The following GTSF1 variants were observed in gnomAD, a reference collection of about 807,000 sequenced individuals.
GTSF1 encodes the protein gametocyte specific factor 1.
A neutral mutation model predicts 28.9 loss-of-function variants in GTSF1; 11 were observed. The observed-to-expected ratio is 0.38, with a 90% CI of 0.24 to 0.63. GTSF1 has a LOEUF of 0.63. GTSF1 is among the 30% of genes least tolerant of loss of function. The probability of loss-of-function intolerance (pLI) is 0.56; values close to 1 mark genes in which losing one functional copy is unlikely to be tolerated. For missense variants in GTSF1, 146 were observed against 201.0 expected, an observed-to-expected ratio of 0.73 and a Z score of 1.66; for synonymous variants, 69 against 65.6, an observed-to-expected ratio of 1.05 and a Z score of -0.25.
intron 6 of GTSF1, 150 bp from the exon 7 acceptor site, chr12:54,460,621 G>A (rs1288735772): frequency 2.1e-5 from 13 of 618,096 alleles, no homozygotes; most frequent in South Asian, 5.8e-5. Flanking sequence ...AAAACGTTCC[G>A]GCAATTAGAA....
chr12:54,460,539 C>A, intron 6 of GTSF1, 68 bp from the exon 7 acceptor site: 1 of 1,036,318 alleles, frequency 9.6e-7, no homozygotes, highest in Non-Finnish European at 1.5e-6. Flanking sequence ...GTAAGATAAT[C>A]AAAATGTGTT....
intron 7 of GTSF1, chr12:54,459,696 A>C: frequency 5.3e-6 from 1 of 189,172 alleles, no homozygotes; most frequent in Non-Finnish European, 1.1e-5. Flanking sequence ...CCAATTTCTG[A>C]TCCCAATTCC....
chr12:54,459,414 C>T, intron 7 of GTSF1: 1 of 1,365,460 alleles, frequency 7.3e-7, no homozygotes, highest in Non-Finnish European at 9.6e-7. Context: ...TAAAAATTAG[C>T]TCAAACAGTA....
intron 3 of GTSF1, among the ~76,000 whole-genome samples, chr12:54,463,717 C>CA (rs1319859107): frequency 6.6e-6 from 1 of 152,176 alleles, no homozygotes; most frequent in African/African-American, 2.4e-5. Flanking sequence ...TCTTAGTCTG[C>CA]ATTGCAGTAG....
intron 7 of GTSF1, among the ~76,000 whole-genome samples, chr12:54,459,962 G>A (rs918414906): frequency 7.4e-5 from 9 of 122,080 alleles, no homozygotes; most frequent in Non-Finnish European, 1.1e-4. Flanking sequence ...TCCTGACCTC[G>A]TGATCCGCCC....
At position 54,473,571 on chromosome 12, in the gene GTSF1, A is replaced by T. The variant is rs1956614528; in HGVS notation, c.-55T>A. ...CTCGGTGGACACACACCTTCCTCAC[A>T]GTCACCTTCCTCCCACGCAAGCCCC... On this transcript the variant is annotated 5_prime_UTR_variant, in exon 1 of 9. Transcript: ENST00000305879. 1 of 152,188 alleles carries T rather than the reference A, an allele frequency of 6.6e-6. No individual in the cohort carries two copies. Among genetic ancestry groups the T allele is most frequent in the Non-Finnish European group, 1.5e-5 (1 of 68,026 alleles). 9.4% of individuals were successfully genotyped at this position (152,188 alleles called of 1,614,324 possible). A position where few individuals can be genotyped will look rare whatever the true frequency, so the allele number is the denominator to read the frequency against.
chr12:54,470,301 T>A (rs1956578914), intron 2 of GTSF1, among the ~76,000 whole-genome samples: 1 of 152,246 alleles, frequency 6.6e-6, no homozygotes, highest in Non-Finnish European at 1.5e-5. Context: ...ATACCAGACC[T>A]TTTGAATCAG....
In GTSF1 at chr12:54,472,468, G is replaced by A. The variant is rs550750185; in HGVS notation, c.-30+1078C>T. 9 of 152,284 alleles carry A rather than the reference G, an allele frequency of 5.9e-5. No homozygotes were observed. The East Asian group carries it at 1.5e-3, about 26-fold the overall frequency. The allele number at this position is 152,284 out of a possible 1,614,324, so 9.4% of individuals were successfully genotyped here. ...AACAGAGTCACAAGAGAACAAATCT[G>A]TAACAGGAATGTGAAACATTAAAAG... On this transcript the variant is annotated intron_variant, in intron 1 of 8. Transcript: ENST00000305879.
intron 3 of GTSF1, among the ~76,000 whole-genome samples, chr12:54,463,736 C>T (rs925542736): frequency 2.0e-5 from 3 of 152,160 alleles, no homozygotes; most frequent in Non-Finnish European, 4.4e-5. Context: ...AGTGTCCCTG[C>T]TATTGCAATA....
rs368714234 is a variant in GTSF1, at chr12:54,463,086, C to T, written c.244+85G>A. On this transcript the variant is annotated intron_variant, in intron 4 of 8. Transcript: ENST00000305879. ...ATTGTTCTTCTAAAACACTGAAAGC[C>T]AAAAATCAAGCTGACAATCTAGCAT... is the stretch of plus-strand genomic sequence containing the variant. The T allele has an allele frequency of 1.2e-4, 175 of 1,438,160 alleles. No homozygotes were observed. The East Asian group carries it at 1.5e-3, about 13-fold the overall frequency. The allele number at this position is 1,438,160 out of a possible 1,614,324, so 89.1% of individuals were successfully genotyped here.
At position 54,465,201 on chromosome 12, in the gene GTSF1, A is replaced by T. The variant is rs200782023; in HGVS notation, c.17-34T>A. ...CAGAAGTGTTTCAGTAGGTAAAACG[A>T]TAATAGGCCCTTGTAAAACTACAGC... On this transcript the variant is annotated intron_variant, in intron 2 of 8. Transcript: ENST00000305879. The T allele has an allele frequency of 2.6e-5, 37 of 1,412,220 alleles. No homozygotes were observed. In the Middle Eastern group the frequency reaches 5.3e-4, roughly 20 times the overall value. The allele number at this position is 1,412,220 out of a possible 1,614,324, so 87.5% of individuals were successfully genotyped here.
rs1331841220 is a variant in GTSF1 at position 54,463,234 on chromosome 12, G to A, written c.181C>T (p.Arg61Ter). 1.2e-6 allele frequency: 2 copies of A among 1,613,790 alleles called. No individual in the cohort carries two copies. The highest frequency in any genetic ancestry group is 1.3e-5 in the African/African-American group (1 of 74,906). The change falls in exon 4 of 9, where the codon CGA becomes TGA. Residue 61 changes from arginine (R) to a stop codon, truncating the protein, a stop_gained. Transcript: ENST00000305879. LOFTEE classifies it high-confidence loss of function. ...GAGATATGATGACTAATTTCAGCTC[G>A]AGGAACCTGGTGGCGAGCATTGAAG... ...CPFNARHQVP[R>*]AEISHHISSC...
intron 1 of GTSF1, 22 bp from the exon 2 acceptor site, chr12:54,471,299 T>C (rs1231201726): frequency 1.3e-6 from 2 of 1,549,198 alleles, no homozygotes; most frequent in Non-Finnish European, 1.8e-6. Flanking sequence ...AAAAGTGTGA[T>C]TCAGGAAATC....
intron 5 of GTSF1, among the ~76,000 whole-genome samples, chr12:54,462,394 A>G (rs1956436499): frequency 6.6e-6 from 1 of 152,226 alleles, no homozygotes; most frequent in African/African-American, 2.4e-5. Flanking sequence ...TAACAATCAA[A>G]CACAGATGGT....
At chr12:54,458,265 A>G (rs894604225) in intron 8 of GTSF1, among the ~76,000 whole-genome samples, 3 of 152,252 alleles carry the variant, frequency 2.0e-5, no homozygotes, top group Non-Finnish European at 2.9e-5. Context: ...GTGAAAAGTG[A>G]GAGAGATTTT....
chr12:54,469,687 C>CAA (rs375917825), intron 2 of GTSF1, among the ~76,000 whole-genome samples: 1,471 of 57,526 alleles, frequency 0.026, 65 homozygotes, highest in African/African-American at 0.088. Context: ...GACTCCTTCT[C>CAA]AAAAAAAAAA....
intron 1 of GTSF1, among the ~76,000 whole-genome samples, chr12:54,472,989 G>GA (rs1956609237): frequency 6.6e-6 from 1 of 152,216 alleles, no homozygotes; most frequent in Admixed American, 6.5e-5. Flanking sequence ...CAGCTTGTAG[G>GA]AAGCCAACCT....
At chr12:54,456,753 C>T (rs1224201622) in intron 8 of GTSF1, among the ~76,000 whole-genome samples, 1 of 152,124 alleles carries the variant, frequency 6.6e-6, no homozygotes, top group Admixed American at 6.6e-5. Context: ...TGTATCCTTC[C>T]AAAGAAACTA....
At chr12:54,460,120 C>T (rs1010379757) in intron 7 of GTSF1, among the ~76,000 whole-genome samples, 5 of 152,272 alleles carry the variant, frequency 3.3e-5, no homozygotes, top group South Asian at 2.1e-4. Context: ...TGGTATTTGA[C>T]GTCAGTGGTC....
Sources: gnomAD v4.1 joint callset for allele counts (sites outside exome capture counted in the v4.1 genomes callset) on GRCh38, gnomAD v4.1.1 for gene constraint, MANE v1.5 for transcripts, NCBI Gene and HGNC (gene_info 2026-07-23, HGNC 2026-07-21) for gene names.